The following CPNE8 variants were observed in gnomAD, a reference collection of about 807,000 sequenced individuals.
CPNE8 encodes the protein copine-8.
CPNE8 carries 45 observed loss-of-function variants against 81.5 expected under a neutral mutation model. The observed-to-expected ratio is 0.55, with a 90% CI of 0.44 to 0.71. CPNE8 has a LOEUF of 0.71. Among genes scored for constraint, CPNE8 ranks in the 30% least tolerant of loss-of-function variants. The pLI is 0.00. For synonymous variants in CPNE8, 252 were observed against 226.3 expected (o/e 1.11, Z -1.02); for missense variants, 594 against 672.1 (o/e 0.88, Z 1.28).
chr12:38,819,827 C>A (rs1390182390), intron 6 of CPNE8, among the ~76,000 whole-genome samples: 2 of 149,492 alleles, frequency 1.3e-5, no homozygotes, highest in Non-Finnish European at 3.0e-5. Flanking sequence ...TCCAAACACT[C>A]ATTTTATCAG....
chr12:38,866,464 T>C (rs879749490), intron 3 of CPNE8, among the ~76,000 whole-genome samples: 2 of 152,236 alleles, frequency 1.3e-5, no homozygotes, highest in Non-Finnish European at 2.9e-5. Context: ...GCAACAGTTA[T>C]GGCCTAAAAA....
chr12:38,785,733 G>A (rs993858926), intron 6 of CPNE8, among the ~76,000 whole-genome samples: 10 of 152,020 alleles, frequency 6.6e-5, no homozygotes, highest in South Asian at 2.1e-4. Flanking sequence ...GACATATATA[G>A]ACACAACAAA....
At chr12:38,868,755 C>T (rs1489499155) in intron 3 of CPNE8, among the ~76,000 whole-genome samples, 2 of 152,118 alleles carry the variant, frequency 1.3e-5, no homozygotes, top group African/African-American at 4.8e-5. Flanking sequence ...TCTTGAACAT[C>T]AAGTATACCC....
intron 6 of CPNE8, among the ~76,000 whole-genome samples, chr12:38,797,928 C>A (rs1476386979): frequency 6.6e-6 from 1 of 151,816 alleles, no homozygotes; most frequent in Admixed American, 6.6e-5. Flanking sequence ...CTGATGTGAT[C>A]AACTAGAAGA....
chr12:38,875,942 T>G (rs1944060086), intron 1 of CPNE8, among the ~76,000 whole-genome samples: 1 of 152,220 alleles, frequency 6.6e-6, no homozygotes, highest in Admixed American at 6.5e-5. Flanking sequence ...AGTTCTTCAC[T>G]TAAGTGGGAA....
At chr12:38,751,672 T>C (rs1734801166) in intron 10 of CPNE8, among the ~76,000 whole-genome samples, 1 of 151,988 alleles carries the variant, frequency 6.6e-6, no homozygotes, top group Admixed American at 6.6e-5. Context: ...TTAATCCTAA[T>C]TCAGCAATAG....
intron 7 of CPNE8, among the ~76,000 whole-genome samples, chr12:38,771,212 G>A (rs1416245434): frequency 2.0e-5 from 3 of 151,786 alleles, no homozygotes; most frequent in South Asian, 2.1e-4. Context: ...TAACCCCAGC[G>A]CTTTGGGAGG....
chr12:38,729,671 A>T (rs1442645945), intron 11 of CPNE8, among the ~76,000 whole-genome samples: 1 of 152,036 alleles, frequency 6.6e-6, no homozygotes, highest in Non-Finnish European at 1.5e-5. Flanking sequence ...GTATCCACAT[A>T]CGTTAAATTT....
At chr12:38,865,182 T>G (rs997238595) in intron 3 of CPNE8, among the ~76,000 whole-genome samples, 1 of 152,180 alleles carries the variant, frequency 6.6e-6, no homozygotes, top group Non-Finnish European at 1.5e-5. Flanking sequence ...TTGGCAAAGA[T>G]GTATGGCAAT....
At chr12:38,697,634 G>A (rs181869365) in intron 14 of CPNE8, among the ~76,000 whole-genome samples, 7 of 152,266 alleles carry the variant, frequency 4.6e-5, no homozygotes, top group Non-Finnish European at 8.8e-5. Context: ...TAGTTTGGAT[G>A]TTTGTCCCCT....
chr12:38,895,955 C>A (rs1341344829), intron 1 of CPNE8, among the ~76,000 whole-genome samples: 1 of 151,990 alleles, frequency 6.6e-6, no homozygotes, highest in African/African-American at 2.4e-5. Context: ...TCTCTCTAAA[C>A]CTCAATTTCT....
intron 14 of CPNE8, among the ~76,000 whole-genome samples, chr12:38,696,372 TA>T (rs58877067): frequency 0.1 from 13,925 of 138,574 alleles, 657 homozygotes; most frequent in Non-Finnish European, 0.12. Context: ...TGTTCTATAC[TA>T]AAAAAAAAAA....
At chr12:38,663,272 CAAAAACA>C (rs905627191) in intron 19 of CPNE8, among the ~76,000 whole-genome samples, 83 of 151,576 alleles carry the variant, frequency 5.5e-4, no homozygotes, top group Admixed American at 2.0e-3. Flanking sequence ...AAACAAAAAA[CAAAAACA>C]AAAAACAAAA....
At chr12:38,858,351 G>A (rs1943777963) in intron 3 of CPNE8, among the ~76,000 whole-genome samples, 1 of 152,198 alleles carries the variant, frequency 6.6e-6, no homozygotes, top group South Asian at 2.1e-4. Context: ...GAATGCAAGG[G>A]CAAGCTGGTG....
At chr12:38,875,182 T>C (rs1209805939) in intron 1 of CPNE8, among the ~76,000 whole-genome samples, 1 of 152,198 alleles carries the variant, frequency 6.6e-6, no homozygotes, top group Non-Finnish European at 1.5e-5. Flanking sequence ...TGGATTCCTC[T>C]GATACTAGTG....
intron 1 of CPNE8, among the ~76,000 whole-genome samples, chr12:38,896,541 G>C (rs1944391629): frequency 6.6e-6 from 1 of 152,104 alleles, no homozygotes; most frequent in Non-Finnish European, 1.5e-5. Flanking sequence ...ACACAAAACA[G>C]CTGTCTTAAA....
chr12:38,848,068 C>T (rs562460268), intron 4 of CPNE8, among the ~76,000 whole-genome samples: 1 of 152,100 alleles, frequency 6.6e-6, no homozygotes, highest in Non-Finnish European at 1.5e-5. Context: ...TTTTAATATG[C>T]CAGACTTAGT....
At chr12:38,893,865 G>T (rs10876208) in intron 1 of CPNE8, among the ~76,000 whole-genome samples, 61,298 of 152,054 alleles carry the variant, frequency 0.4, 14,441 homozygotes, top group Non-Finnish European at 0.53. Flanking sequence ...TACACTAGAG[G>T]AATTGTCTAT....
At chr12:38,891,048 C>T (rs895841443) in intron 1 of CPNE8, among the ~76,000 whole-genome samples, 1 of 151,846 alleles carries the variant, frequency 6.6e-6, no homozygotes, top group Non-Finnish European at 1.5e-5. Context: ...TGCCTCCTCG[C>T]CCTCCCAAGT....
Sources: gnomAD v4.1 joint callset for allele counts (sites outside exome capture counted in the v4.1 genomes callset) on GRCh38, gnomAD v4.1.1 for gene constraint, MANE v1.5 for transcripts, NCBI Gene and HGNC (gene_info 2026-07-23, HGNC 2026-07-21) for gene names.